The following FAF1 variants were observed in gnomAD, a reference collection of about 807,000 sequenced individuals.
FAF1 encodes the protein Fas associated factor 1.
Under a neutral mutation model 92.5 loss-of-function variants are expected in FAF1, and 25 were observed. The ratio of observed to expected loss-of-function variants is 0.27; its 90% CI spans 0.20 to 0.38. FAF1 has a LOEUF of 0.38. Ranked by LOEUF, FAF1 falls within the 10% of genes least tolerant of loss-of-function variation. The probability of loss-of-function intolerance (pLI) is 1.00; values close to 1 mark genes in which losing one functional copy is unlikely to be tolerated. For missense variants in FAF1, 636 were observed against 793.3 expected (o/e 0.80, Z 2.38); for synonymous variants, 234 against 273.2 (o/e 0.86, Z 1.42).
chr1:50,908,050 C>T (rs1302485749), intron 1 of FAF1, among the ~76,000 whole-genome samples: 1 of 152,038 alleles, frequency 6.6e-6, no homozygotes, highest in Non-Finnish European at 1.5e-5. Context: ...TAAAAGTGTC[C>T]CAGAGGTTCT....
At chr1:50,941,389 C>CT (rs1385425173) in intron 1 of FAF1, among the ~76,000 whole-genome samples, 1 of 151,874 alleles carries the variant, frequency 6.6e-6, no homozygotes, top group Admixed American at 6.6e-5. Flanking sequence ...TTTGTATTTT[C>CT]TTTTTTTGGT....
chr1:50,635,645 C>G (rs760860220), intron 8 of FAF1, among the ~76,000 whole-genome samples: 1 of 152,136 alleles, frequency 6.6e-6, no homozygotes, highest in Non-Finnish European at 1.5e-5. Context: ...AGGCTTGTCT[C>G]GAACTGCTGA....
chr1:50,833,453 A>G (rs1644173078), intron 2 of FAF1, among the ~76,000 whole-genome samples: 1 of 152,134 alleles, frequency 6.6e-6, no homozygotes, highest in African/African-American at 2.4e-5. Context: ...CAGGTATGCC[A>G]ACATCTCAGC....
chr1:50,744,463 A>AC (rs888809328), intron 5 of FAF1, among the ~76,000 whole-genome samples: 67 of 152,286 alleles, frequency 4.4e-4, no homozygotes, highest in African/African-American at 1.6e-3. Flanking sequence ...CATGCCATAT[A>AC]CTGTTTTCAT....
intron 12 of FAF1, among the ~76,000 whole-genome samples, chr1:50,568,824 CAT>C (rs1650291422): frequency 1.3e-5 from 2 of 152,100 alleles, no homozygotes; most frequent in Admixed American, 1.3e-4. Flanking sequence ...TGGAAGCACT[CAT>C]ATAACATGAA....
At chr1:50,782,506 G>A (rs746838152) in intron 4 of FAF1, among the ~76,000 whole-genome samples, 3 of 152,040 alleles carry the variant, frequency 2.0e-5, no homozygotes, top group Non-Finnish European at 2.9e-5. Flanking sequence ...TACAATGTGT[G>A]TTCTCAGCAA....
At chr1:50,798,205 T>C (rs1196449463) in intron 3 of FAF1, among the ~76,000 whole-genome samples, 2 of 152,218 alleles carry the variant, frequency 1.3e-5, no homozygotes, top group African/African-American at 2.4e-5. Flanking sequence ...GTACAAAACC[T>C]GGGCATTTAC....
In FAF1 at chr1:50,549,265, T is replaced by C. The variant is rs374267575; in HGVS notation, c.1269-9537A>G. ...ATCTATATATTTAACGTTGTCATGT[T>C]CCCTAAATTTTCTAGCTGCCAAATT... is the stretch of plus-strand genomic sequence containing the variant. On this transcript the variant is annotated intron_variant, in intron 13 of 18. Transcript: ENST00000396153. Among the ~76,000 whole-genome samples, 30 of 152,262 alleles carry C rather than the reference T, an allele frequency of 2.0e-4. No homozygotes were observed. The East Asian group carries it at 4.3e-3, about 22-fold the overall frequency.
intron 13 of FAF1, among the ~76,000 whole-genome samples, chr1:50,547,849 G>A (rs1277251793): frequency 6.6e-6 from 1 of 152,166 alleles, no homozygotes; most frequent in African/African-American, 2.4e-5. Context: ...TAAGTTTTTT[G>A]AGGAACAATA....
chr1:50,514,361 C>G (rs1647179480), intron 15 of FAF1, among the ~76,000 whole-genome samples: 1 of 152,180 alleles, frequency 6.6e-6, no homozygotes, highest in Admixed American at 6.5e-5. Flanking sequence ...AAGTTCATAT[C>G]TGCTAAATGG....
At chr1:50,499,338 C>A (rs1646949858) in intron 15 of FAF1, among the ~76,000 whole-genome samples, 1 of 149,336 alleles carries the variant, frequency 6.7e-6, no homozygotes, top group Non-Finnish European at 1.5e-5. Context: ...GATCTTTCCC[C>A]AGTAGGTAAG....
At chr1:50,662,771 C>T (rs1005348717) in intron 7 of FAF1, among the ~76,000 whole-genome samples, 1 of 130,494 alleles carries the variant, frequency 7.7e-6, no homozygotes, top group East Asian at 2.3e-4. Context: ...GATCTTGGCT[C>T]ACTGCTGCTA....
At chr1:50,748,719 G>A (rs1057186373) in intron 4 of FAF1, among the ~76,000 whole-genome samples, 2 of 152,160 alleles carry the variant, frequency 1.3e-5, no homozygotes, top group African/African-American at 4.8e-5. Flanking sequence ...ATCTGCTTAT[G>A]TTAGGTTGCT....
intron 6 of FAF1, among the ~76,000 whole-genome samples, chr1:50,726,911 A>C (rs1363877888): frequency 3.3e-5 from 5 of 152,234 alleles, no homozygotes; most frequent in African/African-American, 1.2e-4. Flanking sequence ...TGACTAAAGC[A>C]AGTTGCAAAG....
At chr1:50,470,005 T>C (rs565563606) in intron 18 of FAF1, among the ~76,000 whole-genome samples, 8 of 152,338 alleles carry the variant, frequency 5.3e-5, no homozygotes, top group African/African-American at 1.7e-4. Context: ...TTGGCTTATT[T>C]TGAGAACAAA....
At chr1:50,844,582 C>G (rs927754872) in intron 2 of FAF1, among the ~76,000 whole-genome samples, 1 of 150,616 alleles carries the variant, frequency 6.6e-6, no homozygotes, top group Non-Finnish European at 1.5e-5. Flanking sequence ...GTCTGAAGAC[C>G]TGGGCTTCGA....
At chr1:50,806,017 A>G (rs909090974) in intron 2 of FAF1, among the ~76,000 whole-genome samples, 1 of 152,226 alleles carries the variant, frequency 6.6e-6, no homozygotes, top group Non-Finnish European at 1.5e-5. Context: ...AAGAATTGCT[A>G]AATTGGACAT....
At chr1:50,702,049 T>C (rs1438912426) in intron 7 of FAF1, among the ~76,000 whole-genome samples, 1 of 152,110 alleles carries the variant, frequency 6.6e-6, no homozygotes, top group African/African-American at 2.4e-5. Flanking sequence ...CATGTGTATA[T>C]TCCTTAAATT....
At chr1:50,880,611 A>G (rs1424089682) in intron 1 of FAF1, among the ~76,000 whole-genome samples, 1 of 152,232 alleles carries the variant, frequency 6.6e-6, no homozygotes, top group African/African-American at 2.4e-5. Flanking sequence ...GCAAGCCAGG[A>G]GGAGCCTTCG....
Sources: gnomAD v4.1 joint callset for allele counts (sites outside exome capture counted in the v4.1 genomes callset) on GRCh38, gnomAD v4.1.1 for gene constraint, MANE v1.5 for transcripts, NCBI Gene and HGNC (gene_info 2026-07-23, HGNC 2026-07-21) for gene names.